Variants in IMMP2L observed in about 807,000 individuals in gnomAD.
IMMP2L encodes the protein mitochondrial inner membrane protease subunit 2.
IMMP2L carries 18 observed loss-of-function variants against 19.3 expected under a neutral mutation model. That is an observed-to-expected ratio of 0.93 (90% confidence interval 0.64 to 1.38). The LOEUF (loss-of-function observed/expected upper bound fraction) is 1.38, where lower values mean the gene tolerates loss of function less well. Among genes scored for constraint, IMMP2L ranks in the 40% most tolerant of loss-of-function variants. The probability of loss-of-function intolerance (pLI) is 0.00; values close to 1 mark genes in which losing one functional copy is unlikely to be tolerated. For synonymous variants in IMMP2L, 76 were observed against 73.0 expected, an observed-to-expected ratio of 1.04 and a Z score of -0.21; for missense variants, 233 against 218.2, an observed-to-expected ratio of 1.07 and a Z score of -0.43.
rs539758954 is a variant in IMMP2L at position 110,836,550 on chromosome 7, G to A, written c.408+50043C>T. On this transcript the variant is annotated intron_variant, in intron 5 of 5. Transcript: ENST00000405709. The stretch of plus-strand genomic sequence containing the variant: ...CTTTCACCTTCCATCATGATTGTGA[G>A]GCCTCCCCAGCCACATGGAACTGAA... 7.9e-5 allele frequency among the ~76,000 whole-genome samples: 12 copies of A among 152,176 alleles called. No homozygotes were observed. The South Asian group carries it at 2.1e-3, about 26-fold the overall frequency.
chr7:111,223,069 T>A (rs73201090), intron 3 of IMMP2L, among the ~76,000 whole-genome samples: 3,863 of 152,016 alleles, frequency 0.025, 75 homozygotes, highest in Non-Finnish European at 0.041. Context: ...CAAAATGACA[T>A]AGAATGATAC....
chr7:111,067,035 T>A (rs947979382), intron 3 of IMMP2L, among the ~76,000 whole-genome samples: 1 of 152,222 alleles, frequency 6.6e-6, no homozygotes, highest in Non-Finnish European at 1.5e-5. Flanking sequence ...AGGAAAGGAA[T>A]GTGTCCTGAT....
At chr7:111,315,044 C>T (rs1021265376) in intron 3 of IMMP2L, among the ~76,000 whole-genome samples, 4 of 152,074 alleles carry the variant, frequency 2.6e-5, no homozygotes, top group Admixed American at 6.6e-5. Context: ...ATATCTCACC[C>T]AAAGAAAAAT....
intron 4 of IMMP2L, among the ~76,000 whole-genome samples, chr7:110,950,025 T>C (rs374657042): frequency 1.3e-5 from 2 of 152,194 alleles, no homozygotes; most frequent in South Asian, 2.1e-4. Flanking sequence ...GCAGGCTGCA[T>C]GAAATCATTG....
chr7:111,387,849 G>A (rs754719259), intron 3 of IMMP2L, among the ~76,000 whole-genome samples: 1 of 151,488 alleles, frequency 6.6e-6, no homozygotes, highest in Non-Finnish European at 1.5e-5. Flanking sequence ...GGTGGCGCGT[G>A]CCTGCAGTTC....
At chr7:111,491,457 C>T (rs1374521620) in intron 2 of IMMP2L, among the ~76,000 whole-genome samples, 1 of 152,010 alleles carries the variant, frequency 6.6e-6, no homozygotes, top group Non-Finnish European at 1.5e-5. Flanking sequence ...CCATACTTAC[C>T]TCTCAGTAAC....
intron 3 of IMMP2L, among the ~76,000 whole-genome samples, chr7:111,484,903 CA>C (rs1446479754): frequency 1.3e-5 from 2 of 152,076 alleles, no homozygotes; most frequent in African/African-American, 4.8e-5. Flanking sequence ...CTTCCTACCT[CA>C]GCCTCCCAGG....
chr7:110,944,715 A>AGAATCT, intron 4 of IMMP2L, among the ~76,000 whole-genome samples: 1 of 151,964 alleles, frequency 6.6e-6, no homozygotes, highest in East Asian at 1.9e-4. Flanking sequence ...AGTGGCAGTC[A>AGAATCT]GAATCTGACA....
intron 3 of IMMP2L, among the ~76,000 whole-genome samples, chr7:111,311,824 T>C (rs1302327684): frequency 6.6e-6 from 1 of 152,156 alleles, no homozygotes; most frequent in African/African-American, 2.4e-5. Context: ...TCACTCTGGC[T>C]CTTCCACCCA....
intron 4 of IMMP2L, among the ~76,000 whole-genome samples, chr7:110,952,785 A>G (rs1338655937): frequency 1.3e-5 from 2 of 152,148 alleles, no homozygotes; most frequent in African/African-American, 4.8e-5. Flanking sequence ...TGGACTACCT[A>G]GAGAGGACAT....
At chr7:111,521,505 A>G in intron 1 of IMMP2L, 56 bp from the exon 2 acceptor site, 1 of 1,514,030 alleles carries the variant, frequency 6.6e-7, no homozygotes, top group Non-Finnish European at 8.9e-7. Context: ...TGAAAAACAA[A>G]GACATAAAAA....
At chr7:110,854,724 A>C (rs1259932709) in intron 5 of IMMP2L, among the ~76,000 whole-genome samples, 1 of 151,970 alleles carries the variant, frequency 6.6e-6, no homozygotes, top group Non-Finnish European at 1.5e-5. Context: ...TTCATTCAAT[A>C]ATCAGACCTC....
intron 3 of IMMP2L, among the ~76,000 whole-genome samples, chr7:110,982,583 T>C (rs1031348477): frequency 2.0e-5 from 3 of 152,102 alleles, no homozygotes; most frequent in African/African-American, 7.2e-5. Context: ...TTGGTAGGCA[T>C]TATGAAGGAG....
chr7:110,770,611 C>T lies in IMMP2L; in HGVS notation c.409-106890G>A, dbSNP rs183846472. Among the ~76,000 whole-genome samples the T allele has an allele frequency of 2.6e-3, 397 of 152,240 alleles. 4 individuals carry two copies. Among genetic ancestry groups the T allele is most frequent in the African/African-American group, 9.0e-3 (374 of 41,544 alleles). The stretch of plus-strand genomic sequence containing the variant: ...TGATGTTCCTGAAGTTATTTTTATA[C>T]ATACAATACAGCAAACGTTCCTATT... On this transcript the variant is annotated intron_variant, in intron 5 of 5. Transcript: ENST00000405709.
At chr7:110,866,995 G>A (rs10240065) in intron 5 of IMMP2L, among the ~76,000 whole-genome samples, 6,651 of 151,922 alleles carry the variant, frequency 0.044, 468 homozygotes, top group African/African-American at 0.15. Flanking sequence ...TTGGTTAAAG[G>A]GAATTTTACA....
At chr7:110,891,667 G>T (rs1810814283) in intron 4 of IMMP2L, among the ~76,000 whole-genome samples, 1 of 152,066 alleles carries the variant, frequency 6.6e-6, no homozygotes, top group South Asian at 2.1e-4. Flanking sequence ...AAATACATGA[G>T]TAAGGAAGAA....
chr7:111,358,784 C>G (rs749786583), intron 3 of IMMP2L, among the ~76,000 whole-genome samples: 10 of 151,998 alleles, frequency 6.6e-5, no homozygotes, highest in Admixed American at 3.9e-4. Context: ...AGGGAGACAA[C>G]TGGAAATGGG....
intron 3 of IMMP2L, among the ~76,000 whole-genome samples, chr7:111,028,743 C>A (rs896950209): frequency 1.3e-5 from 2 of 152,094 alleles, no homozygotes; most frequent in African/African-American, 4.8e-5. Context: ...TCCTTGCATT[C>A]TTTCTTTTCT....
At chr7:110,994,314 T>C (rs545151321) in intron 3 of IMMP2L, among the ~76,000 whole-genome samples, 1 of 152,226 alleles carries the variant, frequency 6.6e-6, no homozygotes, top group Non-Finnish European at 1.5e-5. Flanking sequence ...CAAGCCTAGA[T>C]ACAAAATCAG....
Sources: allele counts gnomAD v4.1 joint callset (sites outside exome capture counted in the v4.1 genomes callset), GRCh38; gene constraint gnomAD v4.1.1; transcripts MANE v1.5; gene names NCBI Gene and HGNC (gene_info 2026-07-23, HGNC 2026-07-21).